Variants in FSTL3 observed in about 807,000 individuals in gnomAD.
FSTL3 encodes the protein follistatin-related protein 3.
Under a neutral mutation model 28.1 loss-of-function variants are expected in FSTL3, and 21 were observed. The ratio of observed to expected loss-of-function variants is 0.75; its 90% confidence interval spans 0.53 to 1.08. The LOEUF (loss-of-function observed/expected upper bound fraction) is 1.08, where lower values mean the gene tolerates loss of function less well. FSTL3 is among the 50% of genes least tolerant of loss of function. FSTL3 has a pLI of 0.00. For missense variants in FSTL3, 400 were observed against 380.9 expected (o/e 1.05, Z -0.42); for synonymous variants, 199 against 164.2 (o/e 1.21, Z -1.62).
chr19:677,716 T>G (rs993722508), intron 1 of FSTL3, 76 bp from the exon 2 acceptor site: 77 of 1,384,374 alleles, frequency 5.6e-5, no homozygotes, highest in Non-Finnish European at 7.3e-5. Context: ...CAGCACCACC[T>G]GCATGCATCT....
At chr19:676,601 G>A (rs2031214487) in intron 1 of FSTL3, 75 bp downstream of exon 1, 2 of 468,444 alleles carry the variant, frequency 4.3e-6, no homozygotes, top group South Asian at 9.7e-5. Context: ...CCGGGGGGAC[G>A]TCGGGGGGCG....
chr19:678,515 T>TC, intron 2 of FSTL3, among the ~76,000 whole-genome samples: 1 of 122,404 alleles, frequency 8.2e-6, no homozygotes, highest in Non-Finnish European at 1.7e-5. Context: ...TTTTTTTTTT[T>TC]TTTTTTTTTT....
chr19:680,056 G>A (rs1293623248), intron 2 of FSTL3: 1 of 199,202 alleles, frequency 5.0e-6, no homozygotes, highest in African/African-American at 2.7e-5. Flanking sequence ...CCCCAGCGCA[G>A]GCGCAGCGCG....
At chr19:678,122 G>A (rs779783615) in intron 2 of FSTL3, 145 bp downstream of exon 2, 4 of 703,638 alleles carry the variant, frequency 5.7e-6, no homozygotes, top group South Asian at 3.8e-5. Context: ...GCCTCAGAGA[G>A]GGACTGGGGG....
intron 2 of FSTL3, among the ~76,000 whole-genome samples, chr19:679,067 T>C (rs1339521534): frequency 6.6e-6 from 1 of 152,106 alleles, no homozygotes; most frequent in Non-Finnish European, 1.5e-5. Flanking sequence ...TGGGTGGTCC[T>C]GAACTCACTG....
chr19:678,519 T>G lies in FSTL3; in HGVS notation c.289+542T>G, dbSNP rs1387684998. Among the ~76,000 whole-genome samples, 435 of 128,532 alleles carry G rather than the reference T, an allele frequency of 3.4e-3. 5 individuals are homozygous for G. The highest frequency in any genetic ancestry group is 5.8e-3 in the Non-Finnish European group (358 of 61,910). The allele number at this position is 128,532 out of a possible 152,430, so 84.3% of individuals were successfully genotyped here. ...TGATGGTTTTTTTTTTTTTTTTTTT[T>G]TTTTTTCCTGAGATGGAGCCTCGCT... On this transcript the variant is annotated intron_variant, in intron 2 of 4. Coordinates refer to ENST00000166139, the MANE Select transcript of FSTL3 (RefSeq NM_005860.3).
In FSTL3 at chr19:682,139, G is replaced by C. The variant is rs1314426466; in HGVS notation, c.*431G>C. Reference sequence around the variant, plus strand: ...CCTCTAGTCTGGGTGTGTACGGAGGGTCTAGCCTGGGTGTGTACGGAGGGT... The same window carrying C: ...CCTCTAGTCTGGGTGTGTACGGAGGCTCTAGCCTGGGTGTGTACGGAGGGT... On this transcript the variant is annotated 3_prime_UTR_variant, in exon 5 of 5. Coordinates refer to ENST00000166139, the MANE Select transcript of FSTL3 (RefSeq NM_005860.3). 2 of 371,270 alleles carry C rather than the reference G, an allele frequency of 5.4e-6. No individual in the cohort carries two copies. The highest frequency in any genetic ancestry group is 4.0e-5 in the African/African-American group (2 of 49,774). The allele number at this position is 371,270 out of a possible 1,614,324, so 23.0% of individuals were successfully genotyped here.
chr19:678,508 T>G (rs960330437), intron 2 of FSTL3, among the ~76,000 whole-genome samples: 1 of 118,040 alleles, frequency 8.5e-6, no homozygotes, highest in Non-Finnish European at 1.7e-5. Context: ...GGTTTTTTTT[T>G]TTTTTTTTTT....
At position 683,354 on chromosome 19, in the gene FSTL3, G is replaced by C. The variant is rs1222209548; in HGVS notation, c.*1646G>C. On this transcript the variant is annotated 3_prime_UTR_variant, in exon 5 of 5. Transcript: ENST00000166139. The stretch of plus-strand genomic sequence containing the variant: ...AGCCAGGCAGCCCACCCCACCCTGG[G>C]GCCCTGCCTCACCAAGGAAATAAAG... The C allele has an allele frequency of 9.5e-6, 2 of 209,640 alleles. No homozygotes were observed. Among genetic ancestry groups the C allele is most frequent in the Non-Finnish European group, 1.9e-5 (2 of 106,728 alleles). The allele number at this position is 209,640 out of a possible 1,614,324, so 13.0% of individuals were successfully genotyped here.
Position 682,494 on chromosome 19 carries a change from T to C in FSTL3, c.*786T>C, listed in dbSNP as rs999127170. On this transcript the variant is annotated 3_prime_UTR_variant, in exon 5 of 5. Coordinates refer to ENST00000166139, the MANE Select transcript of FSTL3 (RefSeq NM_005860.3). ...TTAGCCCAGCAAGCCAGGCCCTTCA[T>C]GAAGGCCAAGAAGGCTGCCACCATT... is the stretch of plus-strand genomic sequence containing the variant. The C allele has an allele frequency of 9.0e-5, 21 of 233,844 alleles. No individual in the cohort carries two copies. Among genetic ancestry groups the C allele is most frequent in the South Asian group, 5.3e-4 (3 of 5,712 alleles). 14.5% of individuals were successfully genotyped at this position (233,844 alleles called of 1,614,324 possible). A position where few individuals can be genotyped will look rare whatever the true frequency, so the allele number is the denominator to read the frequency against.
Position 683,063 on chromosome 19 carries a change from G to A in FSTL3, c.*1355G>A, listed in dbSNP as rs2031374366. On this transcript the variant is annotated 3_prime_UTR_variant, in exon 5 of 5. Transcript: ENST00000166139. ...GGCTGGCGACACCAGCCAGGTGCTG[G>A]TCTTGGGCCAGTTCTCCCACGACGG... is the stretch of plus-strand genomic sequence containing the variant. 4.3e-6 allele frequency: 1 copy of A among 233,318 alleles called. No homozygotes were observed. The highest frequency in any genetic ancestry group is 8.5e-6 in the Non-Finnish European group (1 of 117,950). The allele number at this position is 233,318 out of a possible 1,614,324, so 14.5% of individuals were successfully genotyped here. A position where few individuals can be genotyped will look rare whatever the true frequency, so the allele number is the denominator to read the frequency against.
intron 1 of FSTL3, among the ~76,000 whole-genome samples, chr19:677,229 C>T (rs915041923): frequency 2.6e-5 from 4 of 152,198 alleles, no homozygotes; most frequent in African/African-American, 9.6e-5. Flanking sequence ...CACCCCACCC[C>T]AGCCCTGCGC....
rs2144800139 is a variant in FSTL3 at position 680,445 on chromosome 19, G to A, written c.461G>A (p.Arg154His). 2.4e-6 allele frequency: 3 copies of A among 1,263,712 alleles called. No individual in the cohort carries two copies. In the East Asian group the frequency reaches 9.4e-5, roughly 40 times the overall value. The allele number at this position is 1,263,712 out of a possible 1,614,324, so 78.3% of individuals were successfully genotyped here. The change falls in exon 3 of 5, where the codon CGC becomes CAC. Residue 154 changes from arginine (R) to histidine (H), a missense_variant. Arg to His is a conservative substitution (Grantham distance 29, BLOSUM62 0). Transcript: ENST00000166139. ...DECELRAARC[R>H]GHPDLSVMYR... The stretch of plus-strand genomic sequence containing the variant: ...TGCGAGCTGCGCGCCGCGCGCTGCC[G>A]CGGCCACCCGGACCTGAGCGTCATG...
Position 677,845 on chromosome 19 carries a change from C to T in FSTL3, c.157C>T (p.Gln53Ter). The change falls in exon 2 of 5, where the codon CAG (glutamine) becomes TAG (stop). Residue 53 changes from glutamine to a stop codon, truncating the protein, a stop_gained. Transcript: ENST00000166139. LOFTEE classifies it high-confidence loss of function. Reference sequence around the variant, plus strand: ...GGAGGCCACCTGCAGCCTGGTGCTCCAGACTGATGTCACCCGGGCCGAGTG... The same window carrying T: ...GGAGGCCACCTGCAGCCTGGTGCTCTAGACTGATGTCACCCGGGCCGAGTG... ...GQEATCSLVL[Q>*]TDVTRAECCA... 1 of 1,612,842 alleles carries T rather than the reference C, an allele frequency of 6.2e-7. No homozygotes were observed. Among genetic ancestry groups the T allele is most frequent in the Non-Finnish European group, 8.5e-7 (1 of 1,179,974 alleles).
chr19:676,839 G>A (rs1311431079), intron 1 of FSTL3, among the ~76,000 whole-genome samples: 3 of 152,172 alleles, frequency 2.0e-5, no homozygotes, highest in African/African-American at 4.8e-5. Context: ...GAGGCTCAGG[G>A]TCACACAGCC....
chr19:681,395 G>A lies in FSTL3; in HGVS notation c.568G>A (p.Ala190Thr). 1.3e-6 allele frequency: 2 copies of A among 1,594,238 alleles called. No individual in the cohort carries two copies. The highest frequency in any genetic ancestry group is 2.2e-5 in the East Asian group (1 of 44,616). Reference sequence around the variant, plus strand: ...GTGCGTCGTGGACCAGACGGGCAGCGCCCACTGCGTGGTGTGTCGAGCGGC... The same window carrying A: ...GTGCGTCGTGGACCAGACGGGCAGCACCCACTGCGTGGTGTGTCGAGCGGC... ...QSCVVDQTGS[A>T]HCVVCRAAPC... Residue 190 changes from alanine to threonine, a missense_variant, in exon 4 of 5, where the codon GCC (alanine) becomes ACC (threonine). By Grantham distance (58) the Ala-to-Thr change is moderately conservative (BLOSUM62 0). Transcript: ENST00000166139.
rs1287156482 is a variant in FSTL3 at position 680,350 on chromosome 19, G to A, written c.366G>A (p.Ala122=). 2 of 1,282,424 alleles carry A rather than the reference G, an allele frequency of 1.6e-6. No homozygotes were observed. The highest frequency in any genetic ancestry group is 2.0e-6 in the Non-Finnish European group (2 of 1,018,138). The allele number at this position is 1,282,424 out of a possible 1,614,324, so 79.4% of individuals were successfully genotyped here. The change falls in exon 3 of 5, where the codon GCG becomes GCA. Residue 122 remains alanine, a synonymous_variant. Coordinates refer to ENST00000166139, the MANE Select transcript of FSTL3 (RefSeq NM_005860.3). ...MLGGRPRCEC[A]PDCSGLPARL... ...GGGGCCGCCCGCGCTGCGAGTGCGC[G>A]CCCGACTGCTCGGGGCTCCCGGCGC... is the stretch of plus-strand genomic sequence containing the variant.
chr19:680,561 C>T, intron 3 of FSTL3, 72 bp downstream of exon 3: 2 of 888,718 alleles, frequency 2.3e-6, no homozygotes, highest in East Asian at 7.5e-5. Context: ...ATCGAGGCTG[C>T]TGCCGCAGTA....
In FSTL3 at chr19:676,620, G is replaced by A. The variant is rs575929651; in HGVS notation, c.103+94G>A. On this transcript the variant is annotated intron_variant, in intron 1 of 4. Coordinates refer to ENST00000166139, the MANE Select transcript of FSTL3 (RefSeq NM_005860.3). ...GGGGACGTCGGGGGGCGCGGCGGCG[G>A]CGGCGGGGGCGAGGGCGGTGTCCGG... 962 of 370,056 alleles carry A rather than the reference G, an allele frequency of 2.6e-3. 2 individuals carry two copies. The highest frequency in any genetic ancestry group is 2.8e-3 in the Non-Finnish European group (645 of 228,176). 22.9% of individuals were successfully genotyped at this position (370,056 alleles called of 1,614,324 possible).
Sources: gnomAD v4.1 joint callset for allele counts (sites outside exome capture counted in the v4.1 genomes callset) on GRCh38, gnomAD v4.1.1 for gene constraint, MANE v1.5 for transcripts, NCBI Gene and HGNC (gene_info 2026-07-23, HGNC 2026-07-21) for gene names.